The following SMYD3 variants were observed in gnomAD, a reference collection of about 807,000 sequenced individuals.
The protein encoded by SMYD3 is SET and MYND domain containing 3.
SMYD3 carries 36 observed loss-of-function variants against 57.7 expected under a neutral mutation model. The observed-to-expected ratio is 0.62, with a 90% confidence interval of 0.48 to 0.82. The LOEUF (loss-of-function observed/expected upper bound fraction) is 0.82, where lower values mean the gene tolerates loss of function less well. Among genes scored for constraint, SMYD3 ranks in the 40% least tolerant of loss-of-function variants. SMYD3 has a pLI of 0.00. For synonymous variants in SMYD3, 211 were observed against 195.0 expected (o/e 1.08, Z -0.68); for missense variants, 515 against 538.8 (o/e 0.96, Z 0.44).
intron 5 of SMYD3, among the ~76,000 whole-genome samples, chr1:246,019,780 C>T (rs985952243): frequency 6.6e-6 from 1 of 151,810 alleles, no homozygotes; most frequent in African/African-American, 2.4e-5. Flanking sequence ...TATATACATA[C>T]ATATATATAA....
intron 5 of SMYD3, among the ~76,000 whole-genome samples, chr1:246,292,716 A>G (rs182515411): frequency 2.6e-5 from 4 of 152,326 alleles, no homozygotes; most frequent in East Asian, 1.9e-4. Context: ...ACAGAAGACC[A>G]TGAACACGTA....
At chr1:246,072,659 G>GT (rs2060478302) in intron 5 of SMYD3, among the ~76,000 whole-genome samples, 1 of 152,174 alleles carries the variant, frequency 6.6e-6, no homozygotes, top group African/African-American at 2.4e-5. Context: ...GTCTGTAAGG[G>GT]TGTTTCCAGA....
intron 5 of SMYD3, among the ~76,000 whole-genome samples, chr1:246,301,023 T>C (rs1291626910): frequency 6.6e-6 from 1 of 152,114 alleles, no homozygotes; most frequent in Admixed American, 6.6e-5. Context: ...TTCAGCTTTG[T>C]AGAGATAGAA....
chr1:245,793,086 G>GA (rs71883202), intron 10 of SMYD3, among the ~76,000 whole-genome samples: 11 of 140,836 alleles, frequency 7.8e-5, no homozygotes, highest in Admixed American at 2.1e-4. Flanking sequence ...CGAGGCGGGT[G>GA]ATCACGAAAT....
intron 10 of SMYD3, among the ~76,000 whole-genome samples, chr1:245,790,836 A>G (rs1572342917): frequency 6.6e-6 from 1 of 152,296 alleles, no homozygotes; most frequent in Non-Finnish European, 1.5e-5. Context: ...GTTCCATCTA[A>G]TCATCAGGCT....
intron 1 of SMYD3, among the ~76,000 whole-genome samples, chr1:246,461,416 A>G (rs1364250082): frequency 6.6e-6 from 1 of 152,212 alleles, no homozygotes; most frequent in East Asian, 1.9e-4. Flanking sequence ...ATTATGTTAA[A>G]ATCCATAGTA....
chr1:246,364,214 T>A, intron 1 of SMYD3, among the ~76,000 whole-genome samples: 1 of 109,756 alleles, frequency 9.1e-6, no homozygotes, highest in Admixed American at 1.1e-4. Flanking sequence ...ATGCGTGTGG[T>A]TGTAAGCCAA....
intron 1 of SMYD3, among the ~76,000 whole-genome samples, chr1:246,419,916 A>T (rs1052488571): frequency 6.6e-6 from 1 of 152,240 alleles, no homozygotes. Context: ...GTCTGTCACG[A>T]CTTGAGCTGT....
chr1:245,797,640 G>A (rs2791395), intron 10 of SMYD3, among the ~76,000 whole-genome samples: 34,373 of 151,198 alleles, frequency 0.23, 5,808 homozygotes, highest in African/African-American at 0.48. Context: ...AAACCTGCAC[G>A]TTGTGCACAT....
At chr1:245,936,675 G>A (rs538016997) in intron 5 of SMYD3, among the ~76,000 whole-genome samples, 3 of 152,266 alleles carry the variant, frequency 2.0e-5, no homozygotes, top group South Asian at 4.1e-4. Context: ...CAAGTGGATC[G>A]ATTGAGCCCA....
chr1:246,140,260 G>A (rs181355714), intron 5 of SMYD3, among the ~76,000 whole-genome samples: 2 of 152,156 alleles, frequency 1.3e-5, no homozygotes, highest in Non-Finnish European at 2.9e-5. Flanking sequence ...CAGCTCCACC[G>A]CTTTGGATGT....
chr1:246,478,278 T>C (rs928616590), intron 1 of SMYD3, among the ~76,000 whole-genome samples: 5 of 152,368 alleles, frequency 3.3e-5, no homozygotes, highest in Non-Finnish European at 5.9e-5. Flanking sequence ...TAGAAGTAAA[T>C]ACTAAGGATA....
chr1:245,947,543 ACCATCGGCT>A, intron 5 of SMYD3: 2 of 378,980 alleles, frequency 5.3e-6, no homozygotes, highest in Non-Finnish European at 1.1e-5. Flanking sequence ...GCATTTCTAA[ACCATCGGCT>A]AATGAGATTT....
At chr1:245,804,201 G>A (rs978017593) in intron 10 of SMYD3, among the ~76,000 whole-genome samples, 13 of 152,168 alleles carry the variant, frequency 8.5e-5, no homozygotes, top group South Asian at 2.1e-4. Context: ...GTGAGGCACC[G>A]CGCCCAGCTG....
intron 5 of SMYD3, among the ~76,000 whole-genome samples, chr1:246,195,859 C>G (rs1380609413): frequency 6.6e-6 from 1 of 152,114 alleles, no homozygotes; most frequent in Non-Finnish European, 1.5e-5. Flanking sequence ...TCATTTTTAA[C>G]CAAAAGGGGT....
chr1:246,367,773 A>T (rs150944851), intron 1 of SMYD3, among the ~76,000 whole-genome samples: 39 of 152,344 alleles, frequency 2.6e-4, no homozygotes, highest in Admixed American at 7.2e-4. Context: ...TGTATCAGTC[A>T]GAGAAAAGTG....
At chr1:245,912,686 C>T (rs918218509) in intron 8 of SMYD3, among the ~76,000 whole-genome samples, 16 of 152,022 alleles carry the variant, frequency 1.1e-4, no homozygotes, top group South Asian at 8.3e-4. Flanking sequence ...GAACAGAAAA[C>T]GCACAATTAA....
chr1:246,483,361 C>G (rs1251379220), intron 1 of SMYD3: 2 of 152,114 alleles, frequency 1.3e-5, no homozygotes, highest in African/African-American at 4.8e-5. Flanking sequence ...TTAAGACACC[C>G]AGAGTATCAG....
intron 5 of SMYD3, among the ~76,000 whole-genome samples, chr1:246,325,298 T>C (rs66880267): frequency 0.4 from 4,349 of 10,974 alleles, 960 homozygotes; most frequent in East Asian, 0.56. Flanking sequence ...GAGAAGGAGT[T>C]GGGGGGGCGG....
Sources: allele counts gnomAD v4.1 joint callset (sites outside exome capture counted in the v4.1 genomes callset), GRCh38; gene constraint gnomAD v4.1.1; transcripts MANE v1.5; gene names NCBI Gene and HGNC (gene_info 2026-07-23, HGNC 2026-07-21).